HDAC4: variants seen among roughly 807,000 people sequenced by gnomAD.
HDAC4 encodes histone deacetylase 4.
A neutral mutation model predicts 135.1 loss-of-function variants in HDAC4; 16 were observed. The ratio of observed to expected loss-of-function variants is 0.12; its 90% CI spans 0.08 to 0.18. HDAC4 has a LOEUF of 0.18. HDAC4 is among the 10% of genes least tolerant of loss of function. The pLI is 1.00. For missense variants in HDAC4, 1,143 were observed against 1,511.8 expected (o/e 0.76, Z 4.05); for synonymous variants, 685 against 653.4 (o/e 1.05, Z -0.74).
At chr2:239,061,111 G>A (rs1425980586) in intron 24 of HDAC4, among the ~76,000 whole-genome samples, 1 of 152,108 alleles carries the variant, frequency 6.6e-6, no homozygotes, top group African/African-American at 2.4e-5. Context: ...AACATTCACC[G>A]TTGGCACGGG....
In HDAC4 at chr2:239,113,061, C is replaced by CA. The variant is rs531805237; in HGVS notation, c.1792-1350dup. The stretch of plus-strand genomic sequence containing the variant: ...CCAAAATGGTGAAACCCCATCTCTC[C>CA]AAAAAAACAAACAAACAAAACAAAC... On this transcript the variant is annotated intron_variant, in intron 13 of 26. Coordinates refer to ENST00000543185, the MANE Select transcript of HDAC4 (RefSeq NM_001378414.1). Among the ~76,000 whole-genome samples the CA allele has an allele frequency of 1.4e-3, 217 of 152,112 alleles. 3 individuals carry two copies. The highest frequency in any genetic ancestry group is 4.9e-3 in the African/African-American group (202 of 41,486).
chr2:239,375,710 G>T (rs985713242), intron 1 of HDAC4, among the ~76,000 whole-genome samples: 1 of 152,206 alleles, frequency 6.6e-6, no homozygotes, highest in Non-Finnish European at 1.5e-5. Flanking sequence ...GTGGAAGATC[G>T]CATGGGGACG....
At chr2:239,065,313 G>A (rs2033333472) in intron 24 of HDAC4, among the ~76,000 whole-genome samples, 1 of 152,214 alleles carries the variant, frequency 6.6e-6, no homozygotes, top group Non-Finnish European at 1.5e-5. Flanking sequence ...CCTTGGTCTG[G>A]AGCACCCACA....
At position 239,049,213 on chromosome 2, in the gene HDAC4, A is replaced by G. The variant is rs1198289629; in HGVS notation, c.*3884T>C. 2 of 152,620 alleles carry G rather than the reference A, an allele frequency of 1.3e-5. No homozygotes were observed. Among genetic ancestry groups the G allele is most frequent in the African/African-American group, 2.4e-5 (1 of 41,464 alleles). 9.5% of individuals were successfully genotyped at this position (152,620 alleles called of 1,614,324 possible). ...GTCCTTTTTATTTTTCTTACAATAA[A>G]AAGTACAATTTCTTAAGAATAAGTT... On this transcript the variant is annotated 3_prime_UTR_variant, in exon 27 of 27. Transcript: ENST00000543185.
At chr2:239,392,000 G>A (rs1328442948) in intron 1 of HDAC4, among the ~76,000 whole-genome samples, 1 of 152,244 alleles carries the variant, frequency 6.6e-6, no homozygotes, top group Non-Finnish European at 1.5e-5. Flanking sequence ...GGTTGGTTGT[G>A]AACTCCGAAG....
In HDAC4 at chr2:239,167,636, C is replaced by T. The variant is rs1176797970; in HGVS notation, c.491-3713G>A. On this transcript the variant is annotated intron_variant, in intron 5 of 26. Coordinates refer to ENST00000543185, the MANE Select transcript of HDAC4 (RefSeq NM_001378414.1). The surrounding 1 kb of genome is among the most constrained non-coding windows in gnomAD (Gnocchi z 4.1). ...TTCTGCACTTCTGGTTATGCACACG[C>T]TCATCTGTCAACAGGTTTCTCACTT... 6.6e-6 allele frequency among the ~76,000 whole-genome samples: 1 copy of T among 152,152 alleles called. No individual in the cohort carries two copies. Among genetic ancestry groups the T allele is most frequent in the Non-Finnish European group, 1.5e-5 (1 of 68,036 alleles).
At chr2:239,054,336 C>T (rs958366993) in intron 25 of HDAC4, among the ~76,000 whole-genome samples, 2 of 152,116 alleles carry the variant, frequency 1.3e-5, no homozygotes. Flanking sequence ...GGGCCTACAC[C>T]CTGCCTCTCT....
At chr2:239,160,047 C>T (rs1009484025) in intron 6 of HDAC4, among the ~76,000 whole-genome samples, 2 of 152,228 alleles carry the variant, frequency 1.3e-5, no homozygotes, top group Non-Finnish European at 2.9e-5. Flanking sequence ...TCATCAGATT[C>T]GTACCAGTGA....
rs932587993 is a variant in HDAC4 at position 239,395,381 on chromosome 2, C to T, written c.-220+5597G>A. ...TTGTAGGATGGGCTGTAGCAGAGCC[C>T]GCTCAGACCCCGAGGGTCAGTCCCC... On this transcript the variant is annotated intron_variant, in intron 1 of 26. Coordinates refer to ENST00000543185, the MANE Select transcript of HDAC4 (RefSeq NM_001378414.1). Among the ~76,000 whole-genome samples the T allele has an allele frequency of 6.6e-5, 10 of 152,238 alleles. No homozygotes were observed. In the South Asian group the frequency reaches 1.0e-3, roughly 16 times the overall value.
chr2:239,311,328 C>T (rs1416180590), intron 2 of HDAC4, among the ~76,000 whole-genome samples: 16 of 152,164 alleles, frequency 1.1e-4, no homozygotes, highest in Admixed American at 9.8e-4. Context: ...CAAGCAGGCA[C>T]CAAGCCCGGA....
intron 2 of HDAC4, among the ~76,000 whole-genome samples, chr2:239,310,410 T>C (rs1314590952): frequency 2.0e-5 from 3 of 152,006 alleles, no homozygotes; most frequent in Admixed American, 1.3e-4. Context: ...GAACCAAGTA[T>C]AGAGAATGTT....
chr2:239,087,825 G>A (rs1339282668), intron 18 of HDAC4, among the ~76,000 whole-genome samples: 4 of 151,680 alleles, frequency 2.6e-5, no homozygotes, highest in Non-Finnish European at 4.4e-5. Flanking sequence ...GAGGTCTGGG[G>A]GCTACTAATG....
At chr2:239,147,344 T>C (rs1219372514) in intron 7 of HDAC4, among the ~76,000 whole-genome samples, 1 of 152,254 alleles carries the variant, frequency 6.6e-6, no homozygotes, top group Non-Finnish European at 1.5e-5. Context: ...GGGCATCTCA[T>C]AGATTGACTT....
intron 5 of HDAC4, among the ~76,000 whole-genome samples, chr2:239,168,528 A>G (rs2152983877): frequency 6.6e-6 from 1 of 152,362 alleles, no homozygotes; most frequent in African/African-American, 2.4e-5. Context: ...TATAAGTGTA[A>G]TGATATTTAT....
intron 2 of HDAC4, among the ~76,000 whole-genome samples, chr2:239,271,385 C>T (rs2050050650): frequency 6.6e-6 from 1 of 152,202 alleles, no homozygotes; most frequent in East Asian, 1.9e-4. Context: ...CTTGGTCTCC[C>T]AAAGTGTTGG....
intron 12 of HDAC4, among the ~76,000 whole-genome samples, chr2:239,117,228 G>T (rs2039218193): frequency 2.0e-5 from 3 of 152,188 alleles, no homozygotes; most frequent in Admixed American, 1.3e-4. Flanking sequence ...AGACGAGGTG[G>T]GGCTGTGGGA....
At chr2:239,140,096 A>G (rs2041257821) in intron 8 of HDAC4, among the ~76,000 whole-genome samples, 1 of 152,262 alleles carries the variant, frequency 6.6e-6, no homozygotes, top group African/African-American at 2.4e-5. Context: ...AACACTTATT[A>G]GTGACCTAAC....
At chr2:239,114,294 C>T (rs925696933) in intron 13 of HDAC4, among the ~76,000 whole-genome samples, 25 of 152,170 alleles carry the variant, frequency 1.6e-4, no homozygotes, top group Non-Finnish European at 2.9e-5. Flanking sequence ...GAGCCAGTGG[C>T]TCCTGCAGCC....
At chr2:239,137,930 G>A (rs968412928) in intron 9 of HDAC4, among the ~76,000 whole-genome samples, 2 of 152,142 alleles carry the variant, frequency 1.3e-5, no homozygotes, top group Non-Finnish European at 2.9e-5. Flanking sequence ...TACGTATCGT[G>A]ATTTCTAAAA....
Sources: gnomAD v4.1 joint callset for allele counts (sites outside exome capture counted in the v4.1 genomes callset) on GRCh38, gnomAD v4.1.1 for gene constraint, Gnocchi (gnomAD v3.1) non-coding constraint, MANE v1.5 for transcripts, NCBI Gene and HGNC (gene_info 2026-07-23, HGNC 2026-07-21) for gene names.